Variants in TSHZ3 observed in about 807,000 individuals in gnomAD.
The protein encoded by TSHZ3 is teashirt homolog 3.
A neutral mutation model predicts 64.5 loss-of-function variants in TSHZ3; 10 were observed. The ratio of observed to expected loss-of-function variants is 0.16; its 90% CI spans 0.10 to 0.26. The LOEUF (loss-of-function observed/expected upper bound fraction) is 0.26, where lower values mean the gene tolerates loss of function less well. Ranked by LOEUF, TSHZ3 falls within the 10% of genes least tolerant of loss-of-function variation. The pLI is 1.00. For missense variants in TSHZ3, 1,242 were observed against 1,421.7 expected, an observed-to-expected ratio of 0.87 and a Z score of 2.03; for synonymous variants, 608 against 593.1, an observed-to-expected ratio of 1.03 and a Z score of -0.36.
intron 1 of TSHZ3, among the ~76,000 whole-genome samples, chr19:31,260,651 T>C (rs756865908): frequency 1.3e-5 from 2 of 152,232 alleles, no homozygotes; most frequent in Non-Finnish European, 2.9e-5. Context: ...GCATCTACTA[T>C]GTGCCAGGCA....
chr19:31,229,104 G>A (rs1347446946), intron 3 of TSHZ3, among the ~76,000 whole-genome samples: 1 of 152,174 alleles, frequency 6.6e-6, no homozygotes, highest in Non-Finnish European at 1.5e-5. Flanking sequence ...TCCTGAAAGA[G>A]AAGACTAAAC....
chr19:31,313,140 C>T (rs1442901268), intron 1 of TSHZ3, among the ~76,000 whole-genome samples: 1 of 152,082 alleles, frequency 6.6e-6, no homozygotes, highest in African/African-American at 2.4e-5. Context: ...GTCACAGAGG[C>T]TTCCAGAGGA....
intron 5 of TSHZ3, among the ~76,000 whole-genome samples, chr19:31,179,018 T>TGAC (rs1258856145): frequency 3.3e-5 from 3 of 92,306 alleles, no homozygotes; most frequent in African/African-American, 4.5e-5. Context: ...AAGGCACTGA[T>TGAC]GATGATGATG....
intron 4 of TSHZ3, among the ~76,000 whole-genome samples, chr19:31,215,584 G>T (rs939114126): frequency 1.3e-5 from 2 of 152,168 alleles, no homozygotes; most frequent in Non-Finnish European, 2.9e-5. Flanking sequence ...TACAGAAAAA[G>T]GTTCTAAGCT....
chr19:31,240,989 T>C (rs1394884177), intron 3 of TSHZ3, among the ~76,000 whole-genome samples: 4 of 152,218 alleles, frequency 2.6e-5, no homozygotes, highest in African/African-American at 9.6e-5. Flanking sequence ...AGCTCCATCA[T>C]AGGAGTCATC....
chr19:31,300,860 T>C (rs1254462507), intron 1 of TSHZ3, among the ~76,000 whole-genome samples: 1 of 152,114 alleles, frequency 6.6e-6, no homozygotes, highest in African/African-American at 2.4e-5. Context: ...AAAGTAAATG[T>C]TGTCAGGAAG....
chr19:31,342,840 G>A (rs1245654820), intron 1 of TSHZ3, among the ~76,000 whole-genome samples: 1 of 152,196 alleles, frequency 6.6e-6, no homozygotes, highest in Non-Finnish European at 1.5e-5. Context: ...AGAGGAAAAA[G>A]AAGAAACACA....
intron 4 of TSHZ3, among the ~76,000 whole-genome samples, chr19:31,210,849 A>G (rs928526737): frequency 6.6e-6 from 1 of 152,246 alleles, no homozygotes; most frequent in Non-Finnish European, 1.5e-5. Flanking sequence ...AAATGAATAC[A>G]GTGTTAACTG....
chr19:31,266,110 A>G (rs1976050728), intron 1 of TSHZ3, among the ~76,000 whole-genome samples: 1 of 152,104 alleles, frequency 6.6e-6, no homozygotes, highest in Admixed American at 6.5e-5. Flanking sequence ...ATCCACCACA[A>G]AGGCCTAGAG....
chr19:31,256,695 G>T (rs2145195569), intron 1 of TSHZ3, among the ~76,000 whole-genome samples: 1 of 152,318 alleles, frequency 6.6e-6, no homozygotes, highest in Middle Eastern at 3.4e-3. Flanking sequence ...CCTCCATTCA[G>T]AGGAAGTGAC....
At chr19:31,292,905 C>T (rs571243210) in intron 1 of TSHZ3, among the ~76,000 whole-genome samples, 2 of 121,168 alleles carry the variant, frequency 1.7e-5, no homozygotes, top group South Asian at 6.3e-4. Flanking sequence ...ATCCATCCAT[C>T]CACCCATCCA....
intron 1 of TSHZ3, among the ~76,000 whole-genome samples, chr19:31,294,335 C>A (rs1265934990): frequency 6.6e-6 from 1 of 152,068 alleles, no homozygotes; most frequent in Non-Finnish European, 1.5e-5. Flanking sequence ...AGCACTCAGC[C>A]AGCACTGACC....
intron 1 of TSHZ3, among the ~76,000 whole-genome samples, chr19:31,257,595 G>A (rs561754424): frequency 2.6e-5 from 4 of 152,290 alleles, no homozygotes; most frequent in South Asian, 2.1e-4. Flanking sequence ...AGGCTCCTCC[G>A]CTGTTGGTCA....
At chr19:31,201,804 A>C (rs1975090976) in intron 5 of TSHZ3, among the ~76,000 whole-genome samples, 1 of 152,246 alleles carries the variant, frequency 6.6e-6, no homozygotes, top group Non-Finnish European at 1.5e-5. Context: ...ATTAAATGTT[A>C]GAAAGCACTG....
chr19:31,245,173 T>C (rs1975744863), intron 1 of TSHZ3, among the ~76,000 whole-genome samples: 2 of 152,120 alleles, frequency 1.3e-5, no homozygotes, highest in African/African-American at 2.4e-5. Context: ...TAAACAAAAA[T>C]CTTACTTACG....
intron 1 of TSHZ3, among the ~76,000 whole-genome samples, chr19:31,256,910 G>C (rs774544054): frequency 6.6e-6 from 1 of 152,164 alleles, no homozygotes; most frequent in Admixed American, 6.5e-5. Context: ...GACTGGACAC[G>C]CTACAGGTGA....
intron 4 of TSHZ3, among the ~76,000 whole-genome samples, chr19:31,213,238 T>C (rs1975282818): frequency 6.6e-6 from 1 of 151,128 alleles, no homozygotes; most frequent in African/African-American, 2.4e-5. Flanking sequence ...GCACCTGTAG[T>C]CCCAGCTACT....
chr19:31,240,517 CTA>C (rs1321953137), intron 3 of TSHZ3, among the ~76,000 whole-genome samples: 3 of 152,040 alleles, frequency 2.0e-5, no homozygotes, highest in African/African-American at 7.2e-5. Context: ...ATCTTGCAGT[CTA>C]TGGAAAACTC....
At position 31,278,224 on chromosome 19, in the gene TSHZ3, G is replaced by T. The variant is rs1221168570; in HGVS notation, c.1569C>A (p.Leu523=). 1 of 1,614,174 alleles carries T rather than the reference G, an allele frequency of 6.2e-7. No individual in the cohort carries two copies. Among genetic ancestry groups the T allele is most frequent in the Admixed American group, 1.7e-5 (1 of 60,028 alleles). ...ATGTCACTGTGTTTTCCAAGGATTT[G>T]AGGATATCAAGCCCCCCCTTGGGAC... ...EESPKGGLDI[L]KSLENTVTSA... Residue 523 remains leucine, a synonymous_variant, in exon 2 of 2, where the codon CTC becomes CTA. Transcript: ENST00000240587. The surrounding 1 kb of genome is among the most constrained non-coding windows in gnomAD (Gnocchi z 4.7).
Sources: gnomAD v4.1 joint callset for allele counts (sites outside exome capture counted in the v4.1 genomes callset) on GRCh38, gnomAD v4.1.1 for gene constraint, Gnocchi (gnomAD v3.1) non-coding constraint, MANE v1.5 for transcripts, NCBI Gene and HGNC (gene_info 2026-07-23, HGNC 2026-07-21) for gene names.